Variants in CCNE2 observed in about 807,000 individuals in gnomAD.
CCNE2 encodes cyclin E2, also known as G1/S-specific cyclin-E2.
In CCNE2, 18 loss-of-function variants were observed where a neutral mutation model predicts 56.8. The ratio of observed to expected loss-of-function variants is 0.32; its 90% CI spans 0.22 to 0.47. The LOEUF is 0.47. Among genes scored for constraint, CCNE2 ranks in the 20% least tolerant of loss-of-function variants. The pLI is 1.00. For missense variants in CCNE2, 371 were observed against 467.1 expected (o/e 0.79, Z 1.90); for synonymous variants, 139 against 149.2 (o/e 0.93, Z 0.50).
At chr8:94,895,875 C>G (rs1341012450), upstream of CCNE2, 2 of 153,758 alleles carry the variant, frequency 1.3e-5, no homozygotes, top group Non-Finnish European at 2.9e-5. Context: ...GAGCCCGCTC[C>G]GCCGGCCTTG....
upstream of CCNE2, chr8:94,896,384 C>T (rs1817577615): frequency 6.6e-6 from 1 of 151,698 alleles, no homozygotes; most frequent in Non-Finnish European, 1.5e-5. Context: ...CTTCCTTTAT[C>T]CTTCCCCGGG....
chr8:94,881,527 A>AGG lies in CCNE2; in HGVS notation c.*103_*104dup, dbSNP rs1178137412. The AGG allele has an allele frequency of 2.7e-5, 30 of 1,115,758 alleles. No homozygotes were observed. The highest frequency in any genetic ancestry group is 3.6e-5 in the Non-Finnish European group (28 of 775,830). 69.1% of individuals were successfully genotyped at this position (1,115,758 alleles called of 1,614,324 possible). Reference sequence around the variant, plus strand: ...TGGCAGTGTAACTTGTGAATTGGCTAGGGCAATCAATCACAGCACTACTTT... The same window carrying AGG: ...TGGCAGTGTAACTTGTGAATTGGCTAGGGGGCAATCAATCACAGCACTACTTT... On this transcript the variant is annotated 3_prime_UTR_variant, in exon 12 of 12. Transcript: ENST00000308108.
At position 94,881,415 on chromosome 8, in the gene CCNE2, A is replaced by T; in HGVS notation, c.*217T>A. ...ACCTTGGGAATGAAGACATCTTTGT[A>T]AACAAGTCCTGCTGTTTCTTTAACA... is the stretch of plus-strand genomic sequence containing the variant. On this transcript the variant is annotated 3_prime_UTR_variant, in exon 12 of 12. Transcript: ENST00000308108. The T allele has an allele frequency of 1.9e-6, 1 of 537,856 alleles. No individual in the cohort carries two copies. The highest frequency in any genetic ancestry group is 3.2e-6 in the Non-Finnish European group (1 of 307,980). The allele number at this position is 537,856 out of a possible 1,614,324, so 33.3% of individuals were successfully genotyped here.
intron 5 of CCNE2, chr8:94,892,041 G>A (rs993727803): frequency 1.1e-5 from 8 of 750,468 alleles, no homozygotes; most frequent in East Asian, 2.9e-5. Context: ...CAGAAGAGGC[G>A]GTTGCCCAGA....
intron 1 of CCNE2, chr8:94,894,481 C>T: frequency 1.9e-6 from 1 of 539,732 alleles, no homozygotes; most frequent in Non-Finnish European, 3.3e-6. Context: ...AAAAATTTAC[C>T]AAGCACTCCT....
At chr8:94,882,074 GT>G in intron 11 of CCNE2, 57 bp downstream of exon 11, 1 of 1,517,840 alleles carries the variant, frequency 6.6e-7, no homozygotes, top group Non-Finnish European at 8.9e-7. Context: ...CCTACCATCA[GT>G]TTTGGTGACT....
chr8:94,885,363 G>A, intron 8 of CCNE2, 100 bp downstream of exon 8: 2 of 1,043,136 alleles, frequency 1.9e-6, no homozygotes, highest in South Asian at 3.0e-5. Context: ...CCTCAGTTTT[G>A]ACTTTTTACA....
chr8:94,891,636 C>CAACAA, intron 5 of CCNE2: 1 of 419,494 alleles, frequency 2.4e-6, no homozygotes, highest in Non-Finnish European at 4.1e-6. Context: ...CCAGCCTGGG[C>CAACAA]AACAACAGCA....
chr8:94,885,727 C>CTTTTTTTTTT (rs747420459), intron 7 of CCNE2, among the ~76,000 whole-genome samples, 169 bp from the exon 8 acceptor site: 10 of 114,140 alleles, frequency 8.8e-5, no homozygotes, highest in East Asian at 2.5e-4. Flanking sequence ...CATTTTCTTT[C>CTTTTTTTTTT]TTTTTTTTTT....
At chr8:94,888,108 CT>C (rs747608737) in intron 6 of CCNE2, 35 bp from the exon 7 acceptor site, 8 of 1,427,874 alleles carry the variant, frequency 5.6e-6, no homozygotes, top group Non-Finnish European at 6.6e-6. Context: ...ATATTATCTT[CT>C]GAATTTCTCC....
chr8:94,881,098 TGCTATAGCA>T lies in CCNE2; in HGVS notation c.*525_*533del. 1 of 397,228 alleles carries T rather than the reference TGCTATAGCA, an allele frequency of 2.5e-6. No homozygotes were observed. Among genetic ancestry groups the T allele is most frequent in the Non-Finnish European group, 4.4e-6 (1 of 225,290 alleles). The allele number at this position is 397,228 out of a possible 1,614,324, so 24.6% of individuals were successfully genotyped here. On this transcript the variant is annotated 3_prime_UTR_variant, in exon 12 of 12. Coordinates refer to ENST00000308108, the MANE Select transcript of CCNE2 (RefSeq NM_057749.3). ...TAGAAATTCAAGTTTTATAATAGCT[TGCTATAGCA>T]GCTATAGATAAATTAGTCACCTTAT...
intron 11 of CCNE2, 147 bp downstream of exon 11, chr8:94,881,985 T>TTAAC: frequency 1.1e-6 from 1 of 909,884 alleles, no homozygotes; most frequent in African/African-American, 1.7e-5. Flanking sequence ...AGTAATTTTA[T>TTAAC]TAACTTTTCT....
chr8:94,889,364 G>GT (rs1199545078), intron 6 of CCNE2, among the ~76,000 whole-genome samples: 1 of 152,080 alleles, frequency 6.6e-6, no homozygotes, highest in Non-Finnish European at 1.5e-5. Flanking sequence ...TCATATTTAG[G>GT]TAAAAACAGG....
At chr8:94,883,451 G>T (rs548453073) in intron 9 of CCNE2, among the ~76,000 whole-genome samples, 45 of 152,284 alleles carry the variant, frequency 3.0e-4, no homozygotes, top group African/African-American at 9.9e-4. Flanking sequence ...AGAGTAGGAG[G>T]CAGAGAATGT....
At position 94,891,669 on chromosome 8, in the gene CCNE2, A is replaced by AC. The variant is rs1193057205; in HGVS notation, c.318-1120_318-1119insG. On this transcript the variant is annotated intron_variant, in intron 5 of 11. Coordinates refer to ENST00000308108, the MANE Select transcript of CCNE2 (RefSeq NM_057749.3). ...GCAAACCTCTGTCTCCAAAAAAAAA[A>AC]AAAAAAAAAAACACCATGAAGTATT... 1.9e-5 allele frequency: 10 copies of AC among 521,512 alleles called. No homozygotes were observed. The East Asian group carries it at 2.1e-4, about 11-fold the overall frequency. 32.3% of individuals were successfully genotyped at this position (521,512 alleles called of 1,614,324 possible). A position where few individuals can be genotyped will look rare whatever the true frequency, so the allele number is the denominator to read the frequency against.
Position 94,882,768 on chromosome 8 carries a change from TAGAG to T in CCNE2, c.943+9_943+12del, listed in dbSNP as rs759341033. 65 of 1,547,346 alleles carry T rather than the reference TAGAG, an allele frequency of 4.2e-5. 1 individual carries two copies. The highest frequency in any genetic ancestry group is 1.5e-4 in the African/African-American group (11 of 73,710). ...TGTGAAAAGGTAAGAAGACAACAAA[TAGAG>T]AGTCTTACCTGAGGCTTTCTTAACC... On this transcript the variant is annotated intron_variant, in intron 10 of 11. Coordinates refer to ENST00000308108, the MANE Select transcript of CCNE2 (RefSeq NM_057749.3).
At chr8:94,886,043 A>C (rs1419044441) in intron 7 of CCNE2, among the ~76,000 whole-genome samples, 1 of 152,008 alleles carries the variant, frequency 6.6e-6, no homozygotes, top group Admixed American at 6.5e-5. Flanking sequence ...AGTATTTTCA[A>C]CCTAAGCAGA....
intron 11 of CCNE2, 146 bp from the exon 12 acceptor site, chr8:94,881,891 G>C (rs750304976): frequency 4.0e-6 from 4 of 991,212 alleles, no homozygotes; most frequent in Non-Finnish European, 5.8e-6. Flanking sequence ...GAAAGTTTCT[G>C]TAACGTTATA....
rs757431924 is a variant in CCNE2 at position 94,882,805 on chromosome 8, T to C, written c.919A>G (p.Ile307Val). 6.2e-6 allele frequency: 10 copies of C among 1,613,206 alleles called. No homozygotes were observed. The highest frequency in any genetic ancestry group is 2.2e-5 in the South Asian group (2 of 91,068). Residue 307 changes from isoleucine (I) to valine (V), a missense_variant, in exon 10 of 12, where the codon ATT becomes GTT. Coordinates refer to ENST00000308108, the MANE Select transcript of CCNE2 (RefSeq NM_057749.3). ...TAAALCHFTS[I>V]EVVKKASGLE... ...CCTGAGGCTTTCTTAACCACTTCAATGGAGGTAAAATGGCACAAGGCAGCA... is the reference window on the plus strand; with the variant it reads ...CCTGAGGCTTTCTTAACCACTTCAACGGAGGTAAAATGGCACAAGGCAGCA...
Sources: gnomAD v4.1 joint callset for allele counts (sites outside exome capture counted in the v4.1 genomes callset) on GRCh38, gnomAD v4.1.1 for gene constraint, MANE v1.5 for transcripts, NCBI Gene and HGNC (gene_info 2026-07-23, HGNC 2026-07-21) for gene names.